Variants in EPB41L3 observed in about 807,000 individuals in gnomAD.
EPB41L3 encodes the protein band 4.1-like protein 3.
EPB41L3 carries 57 observed loss-of-function variants against 127.1 expected under a neutral mutation model. That is an observed-to-expected ratio of 0.45 (90% CI 0.36 to 0.56). The LOEUF (loss-of-function observed/expected upper bound fraction) is 0.56, where lower values mean the gene tolerates loss of function less well. Among genes scored for constraint, EPB41L3 ranks in the 20% least tolerant of loss-of-function variants. The pLI is 0.00. For synonymous variants in EPB41L3, 572 were observed against 549.5 expected (o/e 1.04, Z -0.57); for missense variants, 1,273 against 1,372.2 (o/e 0.93, Z 1.14).
chr18:5,474,207 G>A (rs1264247541), intron 3 of EPB41L3, among the ~76,000 whole-genome samples: 1 of 151,772 alleles, frequency 6.6e-6, no homozygotes, highest in Non-Finnish European at 1.5e-5. Flanking sequence ...CTCCAGCCTG[G>A]GCAACAGAGT....
At chr18:5,411,545 T>C (rs2076193682) in intron 13 of EPB41L3, among the ~76,000 whole-genome samples, 1 of 152,102 alleles carries the variant, frequency 6.6e-6, no homozygotes, top group African/African-American at 2.4e-5. Context: ...AAAACTGTTT[T>C]CTCTCGAGTA....
chr18:5,574,544 C>T (rs2094318625), intron 3 of EPB41L3, among the ~76,000 whole-genome samples: 2 of 151,772 alleles, frequency 1.3e-5, no homozygotes, highest in South Asian at 4.2e-4. Flanking sequence ...ATATCCAGAA[C>T]TTAGAATGTT....
At chr18:5,505,560 T>G (rs74531364) in intron 1 of EPB41L3, among the ~76,000 whole-genome samples, 24,405 of 88,100 alleles carry the variant, frequency 0.28, 2,292 homozygotes, top group African/African-American at 0.34. Flanking sequence ...CCTTCAGCTC[T>G]TACCCTCCCC....
intron 3 of EPB41L3, among the ~76,000 whole-genome samples, chr18:5,462,567 G>A (rs946514170): frequency 5.9e-5 from 9 of 152,120 alleles, no homozygotes; most frequent in Non-Finnish European, 1.3e-4. Context: ...CAAAGGATCA[G>A]GTACTCCCAG....
intron 6 of EPB41L3, among the ~76,000 whole-genome samples, chr18:5,436,118 G>C (rs888686660): frequency 1.8e-4 from 27 of 150,658 alleles, no homozygotes; most frequent in African/African-American, 6.3e-4. Flanking sequence ...AACTGCCAAA[G>C]ACCCCAAGGT....
intron 3 of EPB41L3, among the ~76,000 whole-genome samples, chr18:5,470,342 C>A (rs141380594): frequency 3.2e-4 from 48 of 152,286 alleles, no homozygotes; most frequent in Middle Eastern, 6.8e-3. Flanking sequence ...ATGTAACAAG[C>A]GCCCAAGCAA....
At chr18:5,470,041 G>C (rs925236111) in intron 3 of EPB41L3, among the ~76,000 whole-genome samples, 2 of 152,124 alleles carry the variant, frequency 1.3e-5, no homozygotes, top group African/African-American at 4.8e-5. Context: ...GCCTCCCAAA[G>C]TGCTGGGATT....
intron 3 of EPB41L3, among the ~76,000 whole-genome samples, chr18:5,610,720 C>A (rs1452259794): frequency 6.6e-6 from 1 of 151,952 alleles, no homozygotes; most frequent in Non-Finnish European, 1.5e-5. Context: ...TAAATTATAA[C>A]CCAGTTTAGT....
chr18:5,563,021 G>C (rs1357164811), intron 3 of EPB41L3, among the ~76,000 whole-genome samples: 1 of 152,214 alleles, frequency 6.6e-6, no homozygotes, highest in African/African-American at 2.4e-5. Context: ...GGAATGCTTT[G>C]CTGGAAATAA....
intron 3 of EPB41L3, among the ~76,000 whole-genome samples, chr18:5,562,983 C>A (rs1568577931): frequency 6.6e-6 from 1 of 152,228 alleles, no homozygotes; most frequent in South Asian, 2.1e-4. Flanking sequence ...ACAACTGCTA[C>A]ATGAACCAAT....
intron 1 of EPB41L3, among the ~76,000 whole-genome samples, chr18:5,619,686 A>G (rs1323122990): frequency 2.6e-5 from 4 of 152,216 alleles, no homozygotes; most frequent in Non-Finnish European, 4.4e-5. Flanking sequence ...ATGGAGGTCA[A>G]GAGAAAGTGT....
chr18:5,445,657 T>A (rs1440306899), intron 3 of EPB41L3, among the ~76,000 whole-genome samples: 1 of 152,168 alleles, frequency 6.6e-6, no homozygotes, highest in East Asian at 1.9e-4. Context: ...AACTCAATTA[T>A]CTAGATCAGG....
chr18:5,394,945 A>G, intron 21 of EPB41L3, 122 bp downstream of exon 21: 1 of 1,230,302 alleles, frequency 8.1e-7, no homozygotes, highest in African/African-American at 1.5e-5. Context: ...CATATATTGG[A>G]AAGTTAATTC....
chr18:5,462,110 T>C (rs2084107209), intron 3 of EPB41L3, among the ~76,000 whole-genome samples: 1 of 152,236 alleles, frequency 6.6e-6, no homozygotes, highest in African/African-American at 2.4e-5. Flanking sequence ...GAGAACTTTC[T>C]GAATCACACC....
chr18:5,411,403 G>A (rs931905610), intron 13 of EPB41L3, among the ~76,000 whole-genome samples: 1 of 152,162 alleles, frequency 6.6e-6, no homozygotes, highest in Non-Finnish European at 1.5e-5. Context: ...CAGAGAAAGA[G>A]AAAGAGAGAA....
chr18:5,605,845 C>T (rs754128776), intron 3 of EPB41L3, among the ~76,000 whole-genome samples: 6 of 151,982 alleles, frequency 3.9e-5, no homozygotes, highest in Non-Finnish European at 7.4e-5. Context: ...AGGAGGGGTT[C>T]GGAGGCAGGA....
chr18:5,394,426 C>T (rs1034787590), intron 22 of EPB41L3: 1 of 377,592 alleles, frequency 2.6e-6, no homozygotes, highest in African/African-American at 2.0e-5. Context: ...AGGAAGACCA[C>T]ACAAGCATAG....
chr18:5,605,699 C>A (rs530259145), intron 3 of EPB41L3, among the ~76,000 whole-genome samples: 1 of 152,104 alleles, frequency 6.6e-6, no homozygotes, highest in African/African-American at 2.4e-5. Context: ...GCTAGGATTA[C>A]AAGGTGTGAG....
intron 1 of EPB41L3, among the ~76,000 whole-genome samples, chr18:5,616,823 C>G (rs1446272748): frequency 6.6e-6 from 1 of 152,146 alleles, no homozygotes; most frequent in Admixed American, 6.5e-5. Flanking sequence ...AGCTATGGTT[C>G]ATTTTTGTGG....
Sources: allele counts gnomAD v4.1 joint callset (sites outside exome capture counted in the v4.1 genomes callset), GRCh38; gene constraint gnomAD v4.1.1; transcripts MANE v1.5; gene names NCBI Gene and HGNC (gene_info 2026-07-23, HGNC 2026-07-21).